The following CCDC7 variants were observed in gnomAD, a reference collection of about 807,000 sequenced individuals.
CCDC7 encodes coiled-coil domain-containing protein 7.
A neutral mutation model predicts 196.9 loss-of-function variants in CCDC7; 183 were observed. The ratio of observed to expected loss-of-function variants is 0.93; its 90% CI spans 0.82 to 1.05. The LOEUF (loss-of-function observed/expected upper bound fraction) is 1.05. Among genes scored for constraint, CCDC7 ranks in the 50% least tolerant of loss-of-function variants. CCDC7 has a pLI of 0.00. For synonymous variants in CCDC7, 525 were observed against 484.6 expected (o/e 1.08, Z -1.10); for missense variants, 1,540 against 1,482.2 (o/e 1.04, Z -0.64).
intron 26 of CCDC7, 143 bp from the exon 28 acceptor site, chr10:32,728,744 C>A: frequency 2.1e-6 from 1 of 475,610 alleles, no homozygotes; most frequent in South Asian, 5.1e-5. Context: ...TCCACAGCAG[C>A]CATTAAAATT....
Position 32,657,117 on chromosome 10 carries a change from G to C in CCDC7, c.2015-6937G>C, listed in dbSNP as rs555594492. ...GCAGCTCCACCCTTGTGGCTTTGTG[G>C]GGTACAGCCCCATTCCCAGGTGCCT... On this transcript the variant is annotated intron_variant, in intron 20 of 41. Coordinates refer to ENST00000639629, the Ensembl canonical transcript of CCDC7. 5.3e-3 allele frequency among the ~76,000 whole-genome samples: 815 copies of C among 152,348 alleles called. 3 individuals are homozygous for C. Among genetic ancestry groups the C allele is most frequent in the South Asian group, 9.5e-3 (46 of 4,830 alleles).
rs545570527 is a variant in CCDC7, at chr10:32,844,405, A to G, written c.3353-838A>G. Among the ~76,000 whole-genome samples the G allele has an allele frequency of 4.6e-5, 7 of 152,110 alleles. No individual in the cohort carries two copies. In the South Asian group the frequency reaches 1.0e-3, roughly 23 times the overall value. On this transcript the variant is annotated intron_variant, in intron 33 of 41. Coordinates refer to ENST00000639629, the Ensembl canonical transcript of CCDC7. ...AATTATTTTTCTACATTATTGATAC[A>G]TACTTGATTTATAGTTACAAATCTT...
rs143734707 is a variant in CCDC7, at chr10:32,805,024, T to C, written c.3023T>C (p.Ile1008Thr). Residue 1008 changes from isoleucine to threonine, a missense_variant, in exon 30 of 42, where the codon ATA becomes ACA. Ile to Thr is a moderately conservative substitution (Grantham distance 89). Transcript: ENST00000639629. ...CCATCTATTTCTATAGAGACTGATATAGAAAGCTTGAGAGGTGCTTTGGGA... is the reference window on the plus strand; with the variant it reads ...CCATCTATTTCTATAGAGACTGATACAGAAAGCTTGAGAGGTGCTTTGGGA... 1.0e-4 allele frequency: 165 copies of C among 1,607,602 alleles called. No individual in the cohort carries two copies. The African/African-American group carries it at 1.3e-3, about 13-fold the overall frequency.
At chr10:32,680,864 C>T (rs1381416179) in intron 21 of CCDC7, among the ~76,000 whole-genome samples, 1 of 152,142 alleles carries the variant, frequency 6.6e-6, no homozygotes, top group Admixed American at 6.5e-5. Flanking sequence ...TTTTTGTTCA[C>T]TTTTGAAAAC....
At chr10:32,720,566 CTATAAT>C (rs1461362855) in intron 25 of CCDC7, among the ~76,000 whole-genome samples, 2 of 151,078 alleles carry the variant, frequency 1.3e-5, no homozygotes, top group African/African-American at 4.9e-5. Context: ...AGAACTTAAA[CTATAAT>C]TATAATTTAA....
intron 29 of CCDC7, among the ~76,000 whole-genome samples, chr10:32,799,552 T>C (rs889847548): frequency 2.6e-5 from 4 of 152,218 alleles, no homozygotes; most frequent in African/African-American, 9.6e-5. Flanking sequence ...CACTAGGTGT[T>C]GTGACTCCTT....
At chr10:32,714,133 C>G (rs558846109) in intron 25 of CCDC7, among the ~76,000 whole-genome samples, 2 of 152,260 alleles carry the variant, frequency 1.3e-5, no homozygotes, top group African/African-American at 4.8e-5. Context: ...AGGAACAGCT[C>G]CAGTCTGCAG....
At chr10:32,864,499 T>TAC (rs1456174104) in intron 41 of CCDC7, among the ~76,000 whole-genome samples, 18 of 151,432 alleles carry the variant, frequency 1.2e-4, no homozygotes, top group Non-Finnish European at 1.9e-4. Context: ...TATATATATA[T>TAC]ACACACACAT....
At chr10:32,710,325 C>G (rs2080613190) in intron 24 of CCDC7, among the ~76,000 whole-genome samples, 1 of 152,196 alleles carries the variant, frequency 6.6e-6, no homozygotes, top group African/African-American at 2.4e-5. Context: ...AGCTGTCTGT[C>G]ATTGCCTGGT....
intron 9 of CCDC7, among the ~76,000 whole-genome samples, chr10:32,500,186 A>G (rs1347490714): frequency 6.7e-6 from 1 of 149,770 alleles, no homozygotes; most frequent in Admixed American, 6.6e-5. Context: ...GGCTGGGCAG[A>G]GGCGCCCCCC....
intron 21 of CCDC7, among the ~76,000 whole-genome samples, chr10:32,674,531 G>C (rs2074597697): frequency 1.3e-5 from 2 of 152,148 alleles, no homozygotes; most frequent in South Asian, 4.1e-4. Flanking sequence ...AAATATCTCA[G>C]TGTGTAGGAG....
At chr10:32,645,403 GTGT>G (rs2067582688) in intron 20 of CCDC7, among the ~76,000 whole-genome samples, 1 of 150,674 alleles carries the variant, frequency 6.6e-6, no homozygotes, top group Non-Finnish European at 1.5e-5. Flanking sequence ...TCTTTTTAAT[GTGT>G]TGTTAAATTT....
intron 29 of CCDC7, among the ~76,000 whole-genome samples, chr10:32,791,041 T>C (rs1334287925): frequency 2.6e-5 from 4 of 152,146 alleles, no homozygotes; most frequent in Non-Finnish European, 5.9e-5. Flanking sequence ...GAAGCCTTTG[T>C]CACTGAGAAC....
intron 20 of CCDC7, among the ~76,000 whole-genome samples, chr10:32,655,848 A>C (rs1197865171): frequency 6.6e-6 from 1 of 152,162 alleles, no homozygotes; most frequent in Non-Finnish European, 1.5e-5. Flanking sequence ...TGTCTGGCCT[A>C]TATGTCTTCT....
At chr10:32,697,089 G>A (rs2077836153) in intron 24 of CCDC7, among the ~76,000 whole-genome samples, 1 of 152,076 alleles carries the variant, frequency 6.6e-6, no homozygotes, top group South Asian at 2.1e-4. Context: ...ACACCATAAT[G>A]TAGAATGAGT....
intron 29 of CCDC7, among the ~76,000 whole-genome samples, chr10:32,796,776 A>G (rs1347365623): frequency 6.6e-6 from 1 of 152,234 alleles, no homozygotes; most frequent in Non-Finnish European, 1.5e-5. Flanking sequence ...ACAATATATT[A>G]TAAGGCATAA....
At chr10:32,625,345 C>A (rs1182941078) in intron 18 of CCDC7, among the ~76,000 whole-genome samples, 2 of 151,424 alleles carry the variant, frequency 1.3e-5, no homozygotes, top group Non-Finnish European at 3.0e-5. Flanking sequence ...GGCTCTCTAA[C>A]CTATTTGTTT....
In CCDC7 at chr10:32,541,115, G is replaced by T. The variant is rs1353467352; in HGVS notation, c.994-2185G>T. On this transcript the variant is annotated intron_variant, in intron 11 of 41. Transcript: ENST00000639629. ...TGATTTATTTTAGAGAGCCACAGGG[G>T]TGGATAGAGTTGCTCGCCCTGCCTT... 2.0e-5 allele frequency among the ~76,000 whole-genome samples: 3 copies of T among 151,978 alleles called. No individual in the cohort carries two copies. The East Asian group carries it at 5.8e-4, about 29-fold the overall frequency.
chr10:32,834,045 T>C (rs916781243), intron 32 of CCDC7, among the ~76,000 whole-genome samples: 7 of 152,234 alleles, frequency 4.6e-5, no homozygotes, highest in Admixed American at 1.3e-4. Context: ...TTTTCTGTCA[T>C]TGACCCTAGC....
Sources: gnomAD v4.1 joint callset for allele counts (sites outside exome capture counted in the v4.1 genomes callset) on GRCh38, gnomAD v4.1.1 for gene constraint, MANE v1.5 for transcripts, NCBI Gene and HGNC (gene_info 2026-07-23, HGNC 2026-07-21) for gene names.